The following EPS8L1 variants were observed in gnomAD, a reference collection of about 807,000 sequenced individuals.
EPS8L1 encodes the protein EPS8 signaling adaptor L1, also known as epidermal growth factor receptor kinase substrate 8-like protein 1.
In EPS8L1, 101 loss-of-function variants were observed where a neutral mutation model predicts 91.7. The observed-to-expected ratio is 1.10, with a 90% CI of 0.94 to 1.30. EPS8L1 has a LOEUF of 1.30. Among genes scored for constraint, EPS8L1 ranks in the 50% most tolerant of loss-of-function variants. The pLI, the probability that EPS8L1 is intolerant of heterozygous loss-of-function variation, is 0.00. For synonymous variants in EPS8L1, 506 were observed against 445.3 expected (o/e 1.14, Z -1.72); for missense variants, 1,114 against 1,017.0 (o/e 1.10, Z -1.30).
rs140114807 is a variant in EPS8L1 at position 55,081,776 on chromosome 19, A to T, written c.778A>T (p.Ile260Phe). The change falls in exon 9 of 20, where the codon ATC (isoleucine) becomes TTC (phenylalanine). Residue 260 changes from isoleucine (I) to phenylalanine (F), a missense_variant. Ile to Phe is a conservative substitution (Grantham distance 21, BLOSUM62 0). Coordinates refer to ENST00000201647, the MANE Select transcript of EPS8L1 (RefSeq NM_133180.3). This position sits in a 1 kb window ranked among gnomAD's most constrained non-coding sequence, Gnocchi z 4.9. ...AVLQAEREVD[I>F]LNHVFDDVES... ...GTCCCCCTCCTCTGTCCCCTAGGAC[A>T]TCCTGAACCACGTGTTCGACGACGT... is the stretch of plus-strand genomic sequence containing the variant. 2.3e-5 allele frequency: 37 copies of T among 1,610,444 alleles called. No individual in the cohort carries two copies. In the African/African-American group the frequency reaches 4.1e-4, roughly 18 times the overall value.
At position 55,086,390 on chromosome 19, in the gene EPS8L1, A is replaced by G. The variant is rs1304917326; in HGVS notation, c.1651-2A>G. 6.3e-7 allele frequency: 1 copy of G among 1,582,054 alleles called. No homozygotes were observed. Among genetic ancestry groups the G allele is most frequent in the Admixed American group, 1.8e-5 (1 of 54,822 alleles). ...CAGGTACTCTCCTCTCCTTCCTTTC[A>G]GAACAGCACTCCTCCTCCACCACCA... On this transcript the variant is annotated splice_acceptor_variant, in intron 16 of 19. Coordinates refer to ENST00000201647, the MANE Select transcript of EPS8L1 (RefSeq NM_133180.3). LOFTEE classifies it high-confidence loss of function.
chr19:55,080,078 G>T, intron 5 of EPS8L1, 51 bp from the exon 6 acceptor site: 1 of 1,465,880 alleles, frequency 6.8e-7, no homozygotes. Context: ...TCGCCATTTA[G>T]TAGTACCATC....
At position 55,077,932 on chromosome 19, in the gene EPS8L1, C is replaced by T. The variant is rs12981536; in HGVS notation, c.18-156C>T. ...AGCTCTGGCTCTGAGCTCTCCTGCT[C>T]AATAATAATAATAATAATAATAATA... On this transcript the variant is annotated intron_variant, in intron 2 of 19. Coordinates refer to ENST00000201647, the MANE Select transcript of EPS8L1 (RefSeq NM_133180.3). Among the ~76,000 whole-genome samples the T allele has an allele frequency of 0.013, 1,674 of 126,320 alleles. 92 individuals are homozygous for T. The East Asian group carries it at 0.16, about 12-fold the overall frequency. The allele number at this position is 126,320 out of a possible 152,430, so 82.9% of individuals were successfully genotyped here. A position where few individuals can be genotyped will look rare whatever the true frequency, so the allele number is the denominator to read the frequency against.
chr19:55,082,963 G>T (rs922396989), intron 12 of EPS8L1, among the ~76,000 whole-genome samples: 9 of 152,178 alleles, frequency 5.9e-5, no homozygotes, highest in Non-Finnish European at 1.3e-4. Context: ...GTGCACTGCG[G>T]GCTGGCAGTT....
chr19:55,081,381 G>A lies in EPS8L1; in HGVS notation c.663G>A (p.Glu221=). ...AGGCGAAGCCCATTCCCGAGGCAGA[G>A]GAGGCGCAGAGGCCTGAGCCGGTGG... ...RPQAKPIPEA[E]EAQRPEPVGT... is the part of the protein sequence containing the mutation. The change falls in exon 8 of 20, where the codon GAG becomes GAA. Residue 221 remains glutamate, a synonymous_variant. Transcript: ENST00000201647. This position sits in a 1 kb window ranked among gnomAD's most constrained non-coding sequence, Gnocchi z 4.9. 5 of 1,579,856 alleles carry A rather than the reference G, an allele frequency of 3.2e-6. No individual in the cohort carries two copies. The highest frequency in any genetic ancestry group is 4.3e-6 in the Non-Finnish European group (5 of 1,165,538).
At position 55,079,860 on chromosome 19, in the gene EPS8L1, G is replaced by T. The variant is rs1232864207; in HGVS notation, c.279+9G>T. 1.2e-6 allele frequency: 2 copies of T among 1,606,818 alleles called. No individual in the cohort carries two copies. The highest frequency in any genetic ancestry group is 1.7e-5 in the Admixed American group (1 of 59,190). ...TCGACCCGGCCTCCAAGGTGCCGGG[G>T]GGCACGTGGGTGGGAGGAGTGTCTG... On this transcript the variant is annotated intron_variant, in intron 5 of 19. Transcript: ENST00000201647.
chr19:55,082,688 T>G, intron 12 of EPS8L1, 86 bp downstream of exon 12: 1 of 1,308,100 alleles, frequency 7.6e-7, no homozygotes, highest in Non-Finnish European at 1.0e-6. Context: ...GATTGGAAAA[T>G]AGGACTAGGA....
chr19:55,079,648 C>G, intron 4 of EPS8L1, 42 bp from the exon 5 acceptor site: 3 of 1,591,384 alleles, frequency 1.9e-6, no homozygotes, highest in Non-Finnish European at 2.6e-6. Flanking sequence ...GCCCACCTGG[C>G]ATCATCTTGG....
Position 55,083,713 on chromosome 19 carries a change from A to C in EPS8L1, c.1385+69A>C, listed in dbSNP as rs979582631. ...TGCGTCCCGGGGGCTCCCGATGCTGACTCCGCCCCCTTTTTTTCTGTGTTT... is the reference window on the plus strand; with the variant it reads ...TGCGTCCCGGGGGCTCCCGATGCTGCCTCCGCCCCCTTTTTTTCTGTGTTT... On this transcript the variant is annotated intron_variant, in intron 14 of 19. Coordinates refer to ENST00000201647, the MANE Select transcript of EPS8L1 (RefSeq NM_133180.3). This position sits in a 1 kb window ranked among gnomAD's most constrained non-coding sequence, Gnocchi z 4.7. 1.2e-5 allele frequency: 19 copies of C among 1,544,582 alleles called. No individual in the cohort carries two copies. Among genetic ancestry groups the C allele is most frequent in the African/African-American group, 2.8e-5 (2 of 72,068 alleles).
At chr19:55,086,933 T>C in intron 18 of EPS8L1, 45 bp downstream of exon 18, 1 of 1,403,518 alleles carries the variant, frequency 7.1e-7, no homozygotes, top group Non-Finnish European at 9.2e-7. Flanking sequence ...ATACGGACGC[T>C]GGGAGCGGAG....
chr19:55,086,636 C>CCCCCCCCCCCCCCCCAGGG, intron 17 of EPS8L1, 78 bp from the exon 18 acceptor site: 2 of 956,962 alleles, frequency 2.1e-6, no homozygotes, highest in Non-Finnish European at 2.9e-6. Context: ...CGCTGGAGCG[C>CCCCCCCCCCCCCCCCAGGG]CCCCCCGCCC....
At position 55,081,624 on chromosome 19, in the gene EPS8L1, G is replaced by A; in HGVS notation, c.774+132G>A. The A allele has an allele frequency of 1.7e-6, 1 of 574,288 alleles. No individual in the cohort carries two copies. The highest frequency in any genetic ancestry group is 2.8e-6 in the Non-Finnish European group (1 of 363,150). The allele number at this position is 574,288 out of a possible 1,614,324, so 35.6% of individuals were successfully genotyped here. A position where few individuals can be genotyped will look rare whatever the true frequency, so the allele number is the denominator to read the frequency against. ...TTCTGCGTTATGGAAGAGGGGCTGG[G>A]TCGGGGGCGGGGCTTGGTTGTGGGG... On this transcript the variant is annotated intron_variant, in intron 8 of 19. Coordinates refer to ENST00000201647, the MANE Select transcript of EPS8L1 (RefSeq NM_133180.3). This position sits in a 1 kb window ranked among gnomAD's most constrained non-coding sequence, Gnocchi z 4.9.
At position 55,086,456 on chromosome 19, in the gene EPS8L1, G is replaced by A. The variant is rs1248703336; in HGVS notation, c.1715G>A (p.Arg572His). The A allele has an allele frequency of 9.7e-6, 15 of 1,552,192 alleles. No individual in the cohort carries two copies. The highest frequency in any genetic ancestry group is 1.2e-5 in the Non-Finnish European group (14 of 1,147,306). ...PAPPPALARP[R>H]WDRPRWDSCD... ...CCACCTCCAGCTCTGGCTCGGCCCC[G>A]CTGGGACAGGCCCCGCTGGGACAGC... Residue 572 changes from arginine (R) to histidine (H), a missense_variant, in exon 17 of 20, where the codon CGC becomes CAC. Transcript: ENST00000201647.
rs35750835 is a variant in EPS8L1, at chr19:55,077,584, C to CTTTTTT, written c.18-486_18-481dup. Among the ~76,000 whole-genome samples, 50 of 76,868 alleles carry CTTTTTT rather than the reference C, an allele frequency of 6.5e-4. 1 individual carries two copies. Among genetic ancestry groups the CTTTTTT allele is most frequent in the African/African-American group, 7.3e-4 (14 of 19,078 alleles). 50.4% of individuals were successfully genotyped at this position (76,868 alleles called of 152,430 possible). A position where few individuals can be genotyped will look rare whatever the true frequency, so the allele number is the denominator to read the frequency against. On this transcript the variant is annotated intron_variant, in intron 2 of 19. Coordinates refer to ENST00000201647, the MANE Select transcript of EPS8L1 (RefSeq NM_133180.3). ...AGCACCACCGCCTGACCTGACCTGT[C>CTTTTTT]TTTTTTTTTTTTTTTTTTTTTTTGA...
At chr19:55,084,640 CAGGT>C (rs1487241400) in intron 14 of EPS8L1, 1 of 152,218 alleles carries the variant, frequency 6.6e-6, no homozygotes, top group Non-Finnish European at 1.5e-5. Flanking sequence ...CTCCCCTGCA[CAGGT>C]AGGCCTGATC....
rs756431080 is a variant in EPS8L1 at position 55,086,823 on chromosome 19, G to A, written c.1887G>A (p.Gln629=). The A allele has an allele frequency of 1.3e-6, 2 of 1,568,210 alleles. No homozygotes were observed. Among genetic ancestry groups the A allele is most frequent in the Middle Eastern group, 1.9e-4 (1 of 5,154 alleles). ...AVPGPRAPEP[Q]LSPGSDASEV... is the part of the protein sequence containing the mutation. ...CAGGGCCCCGCGCCCCGGAACCGCA[G>A]CTCAGCCCGGGCTCGGACGCCTCCG... The change falls in exon 18 of 20, where the codon CAG becomes CAA. Residue 629 remains glutamine (Q), a synonymous_variant. Coordinates refer to ENST00000201647, the MANE Select transcript of EPS8L1 (RefSeq NM_133180.3).
chr19:55,087,844 G>C lies in EPS8L1; in HGVS notation c.*230G>C. 1 of 559,820 alleles carries C rather than the reference G, an allele frequency of 1.8e-6. No individual in the cohort carries two copies. The highest frequency in any genetic ancestry group is 3.2e-6 in the Non-Finnish European group (1 of 311,278). The allele number at this position is 559,820 out of a possible 1,614,324, so 34.7% of individuals were successfully genotyped here. ...TGGAGACAGTCTACGGAAAGCGCTA[G>C]CAGACCCCCGAGAGGGTGCAGTGGA... On this transcript the variant is annotated 3_prime_UTR_variant, in exon 20 of 20. Coordinates refer to ENST00000201647, the MANE Select transcript of EPS8L1 (RefSeq NM_133180.3).
rs773318201 is a variant in EPS8L1 at position 55,082,331 on chromosome 19, T to C, written c.1047T>C (p.Leu349=). 1.9e-6 allele frequency: 3 copies of C among 1,612,762 alleles called. No individual in the cohort carries two copies. The highest frequency in any genetic ancestry group is 3.3e-5 in the Admixed American group (2 of 59,996). ...DPSSPELLHF[L]FGPLQMIVNT... is the part of the protein sequence containing the mutation. Reference sequence around the variant, plus strand: ...CCTCTCCGGAGCTGTTGCACTTCCTTTTCGGGCCTCTGCAGATGGTGAGAC... The same window carrying C: ...CCTCTCCGGAGCTGTTGCACTTCCTCTTCGGGCCTCTGCAGATGGTGAGAC... Residue 349 remains leucine, a synonymous_variant, in exon 11 of 20, where the codon CTT becomes CTC. Transcript: ENST00000201647.
Position 55,080,818 on chromosome 19 carries a change from G to A in EPS8L1, c.476G>A (p.Arg159His), listed in dbSNP as rs1168506443. The A allele has an allele frequency of 1.2e-6, 2 of 1,611,674 alleles. No homozygotes were observed. Among genetic ancestry groups the A allele is most frequent in the East Asian group, 4.5e-5 (2 of 44,800 alleles). Residue 159 changes from arginine to histidine, a missense_variant, in exon 7 of 20, where the codon CGC (arginine) becomes CAC (histidine). Arg to His is a conservative substitution (Grantham distance 29). Coordinates refer to ENST00000201647, the MANE Select transcript of EPS8L1 (RefSeq NM_133180.3). ...EDIQGALHNYRSGRGERRAAA... is the reference protein window; with the variant it reads ...EDIQGALHNYHSGRGERRAAA... ...ATCCAGGGGGCTCTGCACAATTACC[G>A]CTCGGGCCGCGGGGAGCGCAGGGCG...
Sources: gnomAD v4.1 joint callset for allele counts (sites outside exome capture counted in the v4.1 genomes callset) on GRCh38, gnomAD v4.1.1 for gene constraint, Gnocchi (gnomAD v3.1) non-coding constraint, MANE v1.5 for transcripts, NCBI Gene and HGNC (gene_info 2026-07-23, HGNC 2026-07-21) for gene names.